The following YES1 variants were observed in gnomAD, a reference collection of about 807,000 sequenced individuals.
YES1 encodes the protein YES proto-oncogene 1, Src family tyrosine kinase.
Under a neutral mutation model 70.4 loss-of-function variants are expected in YES1, and 39 were observed. The ratio of observed to expected loss-of-function variants is 0.55; its 90% CI spans 0.43 to 0.72. YES1 has a LOEUF of 0.72. Among genes scored for constraint, YES1 ranks in the 30% least tolerant of loss-of-function variants. The pLI is 0.00. For missense variants in YES1, 495 were observed against 644.8 expected, an observed-to-expected ratio of 0.77 and a Z score of 2.52; for synonymous variants, 198 against 218.6, an observed-to-expected ratio of 0.91 and a Z score of 0.83.
At chr18:781,629 C>A (rs1346325011) in intron 1 of YES1, among the ~76,000 whole-genome samples, 3 of 152,258 alleles carry the variant, frequency 2.0e-5, no homozygotes, top group Middle Eastern at 3.4e-3. Flanking sequence ...ATAGCTGATG[C>A]CCAATGAATA....
chr18:757,972 T>G (rs1904381374), intron 1 of YES1, among the ~76,000 whole-genome samples: 1 of 152,074 alleles, frequency 6.6e-6, no homozygotes, highest in Non-Finnish European at 1.5e-5. Context: ...TTCTAGACAA[T>G]CTGGCACACA....
chr18:764,114 C>T (rs996995907), intron 1 of YES1, among the ~76,000 whole-genome samples: 29 of 71,988 alleles, frequency 4.0e-4, no homozygotes, highest in Admixed American at 1.4e-3. Context: ...AGCGAGACTC[C>T]CTCTCAAAAA....
chr18:733,300 G>C (rs896862902), intron 10 of YES1, among the ~76,000 whole-genome samples: 3 of 152,128 alleles, frequency 2.0e-5, no homozygotes, highest in Non-Finnish European at 2.9e-5. Flanking sequence ...GCACCTAATA[G>C]CTGTAGTTAA....
intron 1 of YES1, among the ~76,000 whole-genome samples, chr18:793,422 G>A (rs1441396826): frequency 2.6e-5 from 4 of 152,022 alleles, no homozygotes; most frequent in East Asian, 1.9e-4. Context: ...CTACAGCTTC[G>A]AACTCCTGGT....
At chr18:738,077 C>A (rs752491547) in intron 9 of YES1, 1 of 151,354 alleles carries the variant, frequency 6.6e-6, no homozygotes, top group Non-Finnish European at 1.5e-5. Context: ...AAATGGATTG[C>A]CAACCTCCCC....
rs986140676 is a variant in YES1, at chr18:742,971, T to A, written c.1007A>T (p.Tyr336Phe). 1.1e-5 allele frequency: 17 copies of A among 1,609,452 alleles called. No homozygotes were observed. Among genetic ancestry groups the A allele is most frequent in the Non-Finnish European group, 1.4e-5 (17 of 1,179,108 alleles). ...AATTGGTTCTTCAGAAACAACAGCA[T>A]ATAGTGGAACAAGTTTATCATGTCT... is the stretch of plus-strand genomic sequence containing the variant. ...KLRHDKLVPL[Y>F]AVVSEEPIYI... Residue 336 changes from tyrosine (Y) to phenylalanine (F), a missense_variant, in exon 8 of 12, where the codon TAT (tyrosine) becomes TTT (phenylalanine). Tyr to Phe is a conservative substitution (Grantham distance 22, BLOSUM62 3). Coordinates refer to ENST00000314574, the MANE Select transcript of YES1 (RefSeq NM_005433.4).
chr18:763,892 C>T (rs985214529), intron 1 of YES1, among the ~76,000 whole-genome samples: 22 of 151,878 alleles, frequency 1.4e-4, no homozygotes, highest in East Asian at 3.9e-4. Flanking sequence ...GAGGCCGAGG[C>T]GGGCAGATCA....
intron 4 of YES1, among the ~76,000 whole-genome samples, chr18:746,986 C>A (rs2080288205): frequency 6.6e-6 from 1 of 152,168 alleles, no homozygotes; most frequent in Non-Finnish European, 1.5e-5. Context: ...GCCTCAAATA[C>A]TTCAGTGTGT....
chr18:803,910 G>A (rs1414894644), intron 1 of YES1, among the ~76,000 whole-genome samples: 7 of 152,158 alleles, frequency 4.6e-5, no homozygotes, highest in Admixed American at 1.3e-4. Context: ...AGACTCCAAC[G>A]GGCTGCCTAG....
chr18:751,907 T>G, intron 2 of YES1, 103 bp from the exon 3 acceptor site: 1 of 743,686 alleles, frequency 1.3e-6, no homozygotes, highest in South Asian at 1.5e-5. Context: ...AAGGATAGTT[T>G]TTTCTGTAGT....
intron 1 of YES1, among the ~76,000 whole-genome samples, chr18:805,138 A>G (rs938151683): frequency 6.6e-6 from 1 of 152,126 alleles, no homozygotes; most frequent in African/African-American, 2.4e-5. Context: ...GAAATGCCTC[A>G]TTAGGCAATT....
rs147116037 is a variant in YES1 at position 724,385 on chromosome 18, A to G, written c.*39T>C. The G allele has an allele frequency of 5.6e-4, 877 of 1,555,492 alleles. 10 individuals carry two copies. In the East Asian group the frequency reaches 0.018, roughly 31 times the overall value. ...TAGAAAATCTACACAAGTTCTTTAT[A>G]TTTTGGCAGATTTGTGCATATAAAA... On this transcript the variant is annotated 3_prime_UTR_variant, in exon 12 of 12. Transcript: ENST00000314574.
intron 1 of YES1, among the ~76,000 whole-genome samples, chr18:793,893 T>C (rs576253192): frequency 3.3e-5 from 5 of 152,128 alleles, no homozygotes; most frequent in Non-Finnish European, 7.4e-5. Context: ...AGATTACAAC[T>C]AGTTGACTAA....
chr18:741,876 C>T (rs1036410403), intron 8 of YES1, among the ~76,000 whole-genome samples: 2 of 152,310 alleles, frequency 1.3e-5, no homozygotes, highest in East Asian at 1.9e-4. Flanking sequence ...GTAGACATTC[C>T]TTCCAAAGAG....
At chr18:732,734 G>A (rs1026511848) in intron 11 of YES1, 100 bp downstream of exon 11, 1 of 1,479,208 alleles carries the variant, frequency 6.8e-7, no homozygotes, top group Non-Finnish European at 9.3e-7. Context: ...GGGACTATGA[G>A]AAGAAATAAA....
intron 2 of YES1, among the ~76,000 whole-genome samples, chr18:753,315 ATT>A (rs2080365471): frequency 1.3e-5 from 2 of 152,178 alleles, no homozygotes; most frequent in Non-Finnish European, 2.9e-5. Context: ...AACACTTAAA[ATT>A]TTGTTAGTAA....
At position 724,264 on chromosome 18, in the gene YES1, G is replaced by A. The variant is rs2079991751; in HGVS notation, c.*160C>T. On this transcript the variant is annotated 3_prime_UTR_variant, in exon 12 of 12. Coordinates refer to ENST00000314574, the MANE Select transcript of YES1 (RefSeq NM_005433.4). ...ATTGGTACATTAGAGTTTAATACTT[G>A]GGGAAAAAAAAGTGGTTTTGTGCAA... The A allele has an allele frequency of 7.6e-6, 5 of 658,350 alleles. No individual in the cohort carries two copies. In the South Asian group the frequency reaches 8.0e-5, roughly 11 times the overall value. The allele number at this position is 658,350 out of a possible 1,614,324, so 40.8% of individuals were successfully genotyped here.
intron 1 of YES1, among the ~76,000 whole-genome samples, chr18:773,792 G>GA: frequency 6.6e-6 from 1 of 151,362 alleles, no homozygotes; most frequent in South Asian, 2.1e-4. Context: ...AAAAAAATAA[G>GA]AAAAAAACTG....
chr18:804,914 A>AAAAAAAAAAAAAC (rs1907018341), intron 1 of YES1, among the ~76,000 whole-genome samples: 1 of 4,890 alleles, frequency 2.0e-4, no homozygotes, highest in Non-Finnish European at 8.6e-4. Context: ...ACTCTGACTC[A>AAAAAAAAAAAAAC]AAAAAAAAAA....
Sources: gnomAD v4.1 joint callset for allele counts (sites outside exome capture counted in the v4.1 genomes callset) on GRCh38, gnomAD v4.1.1 for gene constraint, MANE v1.5 for transcripts, NCBI Gene and HGNC (gene_info 2026-07-23, HGNC 2026-07-21) for gene names.